The following VPS53 variants were observed in gnomAD, a reference collection of about 807,000 sequenced individuals.
VPS53 encodes the protein VPS53 subunit of GARP complex.
A neutral mutation model predicts 107.0 loss-of-function variants in VPS53; 70 were observed. The observed-to-expected ratio is 0.65, with a 90% confidence interval of 0.54 to 0.80. The LOEUF is 0.80. VPS53 is among the 30% of genes least tolerant of loss of function. The probability of loss-of-function intolerance (pLI) is 0.00; values close to 1 mark genes in which losing one functional copy is unlikely to be tolerated. For missense variants in VPS53, 917 were observed against 1,049.4 expected (o/e 0.87, Z 1.74); for synonymous variants, 409 against 393.3 (o/e 1.04, Z -0.47).
intron 15 of VPS53, 40 bp from the exon 16 acceptor site, chr17:553,502 T>C (rs1402480589): frequency 2.1e-6 from 3 of 1,457,656 alleles, no homozygotes; most frequent in Admixed American, 3.4e-5. Flanking sequence ...GGTTAATGAT[T>C]ATCCAAAGAA....
At chr17:696,363 G>A (rs144238100) in intron 4 of VPS53, among the ~76,000 whole-genome samples, 3 of 152,318 alleles carry the variant, frequency 2.0e-5, no homozygotes, top group East Asian at 1.9e-4. Flanking sequence ...AAATTTCAGC[G>A]TAGGATTATA....
At chr17:627,447 T>C in intron 9 of VPS53, 131 bp from the exon 10 acceptor site, 4 of 1,204,556 alleles carry the variant, frequency 3.3e-6, no homozygotes, top group Non-Finnish European at 4.5e-6. Context: ...TTAAAGAATC[T>C]AGGCTACCTT....
rs1346363500 is a variant in VPS53 at position 519,229 on chromosome 17, C to G, written c.2398G>C (p.Gly800Arg). 1 of 1,548,834 alleles carries G rather than the reference C, an allele frequency of 6.5e-7. No homozygotes were observed. Among genetic ancestry groups the G allele is most frequent in the South Asian group, 1.2e-5 (1 of 83,742 alleles). ...GACAGTGAGCCGGAGCTTTCTGCCC[C>G]CGAGGGCGGTGCGGGGAGCCGCTGG... ...LRQRLPAPPS[G>R]AESSGSLSLT... Residue 800 changes from glycine to arginine, a missense_variant, in exon 22 of 22, where the codon GGG becomes CGG. By Grantham distance (125) the Gly-to-Arg change is moderately radical (BLOSUM62 -2). Transcript: ENST00000437048. This position sits in a 1 kb window ranked among gnomAD's most constrained non-coding sequence, Gnocchi z 5.0.
intron 7 of VPS53, among the ~76,000 whole-genome samples, chr17:644,592 T>C (rs1489562836): frequency 7.8e-6 from 1 of 127,970 alleles, no homozygotes; most frequent in African/African-American, 2.6e-5. Context: ...GTGTTATTTT[T>C]TTTTTTCCCC....
intron 13 of VPS53, among the ~76,000 whole-genome samples, chr17:571,133 T>C (rs973652875): frequency 6.6e-6 from 1 of 151,094 alleles, no homozygotes; most frequent in African/African-American, 2.4e-5. Context: ...AGCAACATGG[T>C]GAGACCCTGT....
At chr17:710,668 ATAATTT>A in intron 1 of VPS53, 55 bp from the exon 2 acceptor site, 1 of 1,346,676 alleles carries the variant, frequency 7.4e-7, no homozygotes, top group Non-Finnish European at 1.0e-6. Flanking sequence ...GTAAATATAT[ATAATTT>A]TAATTTGTCA....
chr17:556,454 G>A (rs983220292), intron 15 of VPS53, among the ~76,000 whole-genome samples: 2 of 152,214 alleles, frequency 1.3e-5, no homozygotes, highest in African/African-American at 4.8e-5. Flanking sequence ...CAATTTTTCT[G>A]TAAATGTAAA....
intron 12 of VPS53, among the ~76,000 whole-genome samples, chr17:601,235 A>T (rs540722140): frequency 1.3e-5 from 2 of 152,364 alleles, no homozygotes; most frequent in Non-Finnish European, 2.9e-5. Context: ...CTGTAGGATG[A>T]AGGGAGAGGA....
intron 18 of VPS53, chr17:536,332 G>C (rs897724595): frequency 1.3e-5 from 2 of 152,070 alleles, no homozygotes; most frequent in African/African-American, 4.8e-5. Flanking sequence ...CCAGGGGGAG[G>C]GAGGACAAGA....
Position 518,202 on chromosome 17 carries a change from C to G in VPS53, c.*926G>C, listed in dbSNP as rs1908441781. ...TAACGGCTTGATATGCTGCCATTCT[C>G]TGGATGCAGGATGACATGAGAGGTC... On this transcript the variant is annotated 3_prime_UTR_variant, in exon 22 of 22. Transcript: ENST00000437048. 2.0e-5 allele frequency: 3 copies of G among 149,160 alleles called. No individual in the cohort carries two copies. The highest frequency in any genetic ancestry group is 4.5e-5 in the Non-Finnish European group (3 of 66,936). 9.2% of individuals were successfully genotyped at this position (149,160 alleles called of 1,614,324 possible).
chr17:565,050 C>T (rs1371349826), intron 13 of VPS53, among the ~76,000 whole-genome samples: 4 of 152,098 alleles, frequency 2.6e-5, no homozygotes, highest in African/African-American at 9.7e-5. Flanking sequence ...CCACACATAC[C>T]ACCAATTAGC....
intron 7 of VPS53, among the ~76,000 whole-genome samples, chr17:637,314 CTTT>C (rs1745673076): frequency 6.6e-6 from 1 of 152,032 alleles, no homozygotes; most frequent in African/African-American, 2.4e-5. Context: ...CTCTTTTCTT[CTTT>C]ATTAGTCTTG....
intron 11 of VPS53, among the ~76,000 whole-genome samples, chr17:619,328 CG>C (rs1969341398): frequency 6.9e-6 from 1 of 145,622 alleles, no homozygotes; most frequent in African/African-American, 2.6e-5. Context: ...CGCACCACCA[CG>C]CCCCGCTAAT....
intron 4 of VPS53, among the ~76,000 whole-genome samples, chr17:668,415 A>G (rs1971790886): frequency 6.6e-6 from 1 of 152,212 alleles, no homozygotes; most frequent in Admixed American, 6.5e-5. Flanking sequence ...GCTCATAACC[A>G]TTCCTCTAAC....
chr17:561,101 G>C (rs1912924546), intron 14 of VPS53, among the ~76,000 whole-genome samples: 2 of 152,146 alleles, frequency 1.3e-5, no homozygotes, highest in Non-Finnish European at 2.9e-5. Flanking sequence ...GGTGGAGGAG[G>C]ATATAAGCGA....
At chr17:551,741 G>A (rs1176826886) in intron 17 of VPS53, 131 bp downstream of exon 17, 7 of 696,410 alleles carry the variant, frequency 1.0e-5, no homozygotes, top group African/African-American at 5.5e-5. Context: ...CAGGAACTCC[G>A]GGGCCTCTCC....
intron 17 of VPS53, among the ~76,000 whole-genome samples, chr17:547,863 C>G (rs1239843750): frequency 6.6e-6 from 1 of 152,110 alleles, no homozygotes; most frequent in Non-Finnish European, 1.5e-5. Context: ...CTCCTAACCT[C>G]AGATGATTTG....
chr17:631,399 A>G, intron 8 of VPS53, 151 bp downstream of exon 8: 1 of 714,508 alleles, frequency 1.4e-6, no homozygotes, highest in South Asian at 1.7e-5. Flanking sequence ...TTTAAAATCC[A>G]GGGTGGTCTC....
intron 19 of VPS53, among the ~76,000 whole-genome samples, chr17:523,934 C>T (rs1229000179): frequency 3.3e-5 from 5 of 152,072 alleles, no homozygotes; most frequent in South Asian, 2.1e-4. Flanking sequence ...TGCTTTTCCT[C>T]GGAGGAACCC....
Sources: gnomAD v4.1 joint callset for allele counts (sites outside exome capture counted in the v4.1 genomes callset) on GRCh38, gnomAD v4.1.1 for gene constraint, Gnocchi (gnomAD v3.1) non-coding constraint, MANE v1.5 for transcripts, NCBI Gene and HGNC (gene_info 2026-07-23, HGNC 2026-07-21) for gene names.